The following PTPRD variants were observed in gnomAD, a reference collection of about 807,000 sequenced individuals.
PTPRD encodes the protein protein tyrosine phosphatase receptor type D.
In PTPRD, 34 loss-of-function variants were observed where a neutral mutation model predicts 214.5. The observed-to-expected ratio is 0.16, with a 90% CI of 0.12 to 0.21. PTPRD has a LOEUF of 0.21. PTPRD is among the 10% of genes least tolerant of loss of function. The pLI, the probability that PTPRD is intolerant of heterozygous loss-of-function variation, is 1.00. For synonymous variants in PTPRD, 1,128 were observed against 845.7 expected, an observed-to-expected ratio of 1.33 and a Z score of -5.79; for missense variants, 2,545 against 2,398.7, an observed-to-expected ratio of 1.06 and a Z score of -1.27.
chr9:9,797,289 GT>G (rs1007705586), intron 5 of PTPRD, among the ~76,000 whole-genome samples: 3 of 122,998 alleles, frequency 2.4e-5, no homozygotes, highest in African/African-American at 9.3e-5. Context: ...AGTTGTTTGG[GT>G]TTTTTTGCAT....
chr9:9,603,566 T>A (rs1169819934), intron 7 of PTPRD, among the ~76,000 whole-genome samples: 1 of 151,986 alleles, frequency 6.6e-6, no homozygotes, highest in Non-Finnish European at 1.5e-5. Flanking sequence ...GAGCTCCACC[T>A]CCTGTGCCAT....
Position 8,793,061 on chromosome 9 carries a change from G to A in PTPRD, c.-103-59115C>T, listed in dbSNP as rs187712690. Among the ~76,000 whole-genome samples the A allele has an allele frequency of 2.5e-3, 384 of 152,282 alleles. 3 individuals carry two copies. The highest frequency in any genetic ancestry group is 8.3e-3 in the African/African-American group (343 of 41,550). ...ATGTAAGGTCCTGTAGCGCTTTAGC[G>A]GCAAACAGATGACTCGTACCTGGGT... On this transcript the variant is annotated intron_variant, in intron 11 of 45. Transcript: ENST00000381196.
intron 7 of PTPRD, among the ~76,000 whole-genome samples, chr9:9,661,972 C>T (rs1160055835): frequency 6.6e-6 from 1 of 151,656 alleles, no homozygotes; most frequent in African/African-American, 2.4e-5. Context: ...ACTTCTTAAC[C>T]TTAATTTGCA....
intron 5 of PTPRD, among the ~76,000 whole-genome samples, chr9:9,880,205 T>C (rs150987922): frequency 5.3e-4 from 81 of 152,266 alleles, no homozygotes; most frequent in East Asian, 1.9e-3. Context: ...ATGTAAGACA[T>C]GCCTGCTTCC....
intron 3 of PTPRD, among the ~76,000 whole-genome samples, chr9:10,211,766 A>T (rs1237783306): frequency 6.6e-6 from 1 of 152,150 alleles, no homozygotes; most frequent in Non-Finnish European, 1.5e-5. Flanking sequence ...ATGGACATAG[A>T]GCACAGAATA....
intron 10 of PTPRD, among the ~76,000 whole-genome samples, chr9:9,147,734 T>A (rs2099871079): frequency 2.0e-5 from 3 of 152,118 alleles, no homozygotes; most frequent in Admixed American, 2.0e-4. Flanking sequence ...TTTGGCCCTT[T>A]ATAGAAAATG....
chr9:9,595,663 G>A (rs372658244), intron 7 of PTPRD, among the ~76,000 whole-genome samples: 1 of 151,776 alleles, frequency 6.6e-6, no homozygotes, highest in African/African-American at 2.4e-5. Flanking sequence ...TGAGATTGCA[G>A]GCTACTATTC....
intron 11 of PTPRD, among the ~76,000 whole-genome samples, chr9:8,906,624 T>C (rs975201150): frequency 9.9e-5 from 15 of 152,164 alleles, no homozygotes; most frequent in African/African-American, 3.6e-4. Flanking sequence ...AGTGCTGAAA[T>C]TCCACTAATA....
intron 7 of PTPRD, among the ~76,000 whole-genome samples, chr9:9,603,308 C>G (rs1225868858): frequency 6.6e-6 from 1 of 151,742 alleles, no homozygotes; most frequent in Non-Finnish European, 1.5e-5. Context: ...GACACATGGT[C>G]AAAAAAAGTA....
intron 2 of PTPRD, among the ~76,000 whole-genome samples, chr9:10,348,804 G>C (rs536518518): frequency 5.1e-4 from 78 of 152,258 alleles, no homozygotes; most frequent in African/African-American, 1.8e-3. Flanking sequence ...CTGGGAACTT[G>C]GTCACGCAAG....
At chr9:9,840,194 C>A (rs201923956) in intron 5 of PTPRD, among the ~76,000 whole-genome samples, 1 of 151,972 alleles carries the variant, frequency 6.6e-6, no homozygotes, top group South Asian at 2.1e-4. Context: ...CTCACCACCA[C>A]GCCCAGCTAA....
At chr9:8,683,401 A>G (rs1414127195) in intron 12 of PTPRD, among the ~76,000 whole-genome samples, 3 of 150,884 alleles carry the variant, frequency 2.0e-5, no homozygotes, top group Non-Finnish European at 4.4e-5. Context: ...AAAAAAAAAA[A>G]GTGTATACAT....
intron 3 of PTPRD, among the ~76,000 whole-genome samples, chr9:10,070,774 G>A (rs1590252536): frequency 6.6e-6 from 1 of 151,814 alleles, no homozygotes; most frequent in Non-Finnish European, 1.5e-5. Context: ...TTTATTATGT[G>A]TAAGACTCTC....
At chr9:8,867,743 G>T (rs912255570) in intron 11 of PTPRD, among the ~76,000 whole-genome samples, 1 of 152,130 alleles carries the variant, frequency 6.6e-6, no homozygotes, top group African/African-American at 2.4e-5. Context: ...TTTTATTAAA[G>T]TTATATTTAT....
chr9:9,395,125 C>T (rs1457412644), intron 9 of PTPRD, among the ~76,000 whole-genome samples: 1 of 151,844 alleles, frequency 6.6e-6, no homozygotes, highest in African/African-American at 2.4e-5. Context: ...CCCTTCCTCC[C>T]CTCATCCATA....
intron 2 of PTPRD, among the ~76,000 whole-genome samples, chr9:10,500,982 C>T (rs1203181112): frequency 6.6e-6 from 1 of 151,956 alleles, no homozygotes; most frequent in Non-Finnish European, 1.5e-5. Context: ...CTATTGTGAA[C>T]AGTGCTGGAA....
chr9:10,545,614 A>G (rs939450223), intron 2 of PTPRD, among the ~76,000 whole-genome samples: 5 of 152,188 alleles, frequency 3.3e-5, no homozygotes, highest in Non-Finnish European at 7.4e-5. Flanking sequence ...ACTCAAAAAT[A>G]AGTTATGCAT....
At chr9:10,268,945 C>A (rs1419183809) in intron 3 of PTPRD, among the ~76,000 whole-genome samples, 1 of 152,158 alleles carries the variant, frequency 6.6e-6, no homozygotes, top group Non-Finnish European at 1.5e-5. Context: ...CTGGCAGTAT[C>A]CCTGGCCTCT....
chr9:10,052,746 T>C (rs1298690599), intron 3 of PTPRD, among the ~76,000 whole-genome samples: 3 of 152,148 alleles, frequency 2.0e-5, no homozygotes, highest in Admixed American at 2.0e-4. Context: ...TTCTTCTTTC[T>C]ATCGAAATTC....
Sources: allele counts gnomAD v4.1 joint callset (sites outside exome capture counted in the v4.1 genomes callset), GRCh38; gene constraint gnomAD v4.1.1; transcripts MANE v1.5; gene names NCBI Gene and HGNC (gene_info 2026-07-23, HGNC 2026-07-21).